TADA1: variants seen among roughly 807,000 people sequenced by gnomAD.
TADA1 encodes the protein transcriptional adaptor 1, also known as transcriptional adapter 1.
TADA1 carries 23 observed loss-of-function variants against 39.3 expected under a neutral mutation model. The ratio of observed to expected loss-of-function variants is 0.58; its 90% CI spans 0.42 to 0.83. The LOEUF is 0.83. Ranked by LOEUF, TADA1 falls within the 40% of genes least tolerant of loss-of-function variation. TADA1 has a pLI of 0.00. For synonymous variants in TADA1, 137 were observed against 151.8 expected, an observed-to-expected ratio of 0.90 and a Z score of 0.72; for missense variants, 352 against 408.1, an observed-to-expected ratio of 0.86 and a Z score of 1.18.
At position 166,862,375 on chromosome 1, in the gene TADA1, T is replaced by C; in HGVS notation, c.368A>G (p.Gln123Arg). 1 of 1,614,214 alleles carries C rather than the reference T, an allele frequency of 6.2e-7. No homozygotes were observed. Among genetic ancestry groups the C allele is most frequent in the Non-Finnish European group, 8.5e-7 (1 of 1,180,048 alleles). Residue 123 changes from glutamine (Q) to arginine (R), a missense_variant, in exon 5 of 8, where the codon CAG (glutamine) becomes CGG (arginine). This residue lies in a region of TADA1 where 285 missense variants were observed against 310.9 expected (regional missense o/e 0.92). Coordinates refer to ENST00000367874, the MANE Select transcript of TADA1 (RefSeq NM_053053.4). ...TTGGGGATCCTTTGCCACAAATTGC[T>C]GGGCTCCTGAGAGAGGATTTTGAGG... ...FQPQNPLSGA[Q>R]QFVAKDPQDD...
chr1:166,871,839 A>T (rs1052962278), intron 1 of TADA1, among the ~76,000 whole-genome samples: 20 of 152,336 alleles, frequency 1.3e-4, no homozygotes, highest in African/African-American at 4.3e-4. Context: ...AACAACAAAA[A>T]AAATAAAATA....
At chr1:166,872,532 T>C (rs1324334345) in intron 1 of TADA1, among the ~76,000 whole-genome samples, 1 of 152,020 alleles carries the variant, frequency 6.6e-6, no homozygotes, top group Non-Finnish European at 1.5e-5. Flanking sequence ...ATTAGCCAGG[T>C]GTGGTGGAAC....
At chr1:166,867,174 G>C (rs137936920) in intron 3 of TADA1, among the ~76,000 whole-genome samples, 102 of 152,218 alleles carry the variant, frequency 6.7e-4, no homozygotes, top group Middle Eastern at 6.8e-3. Context: ...ATGTAAGCTA[G>C]TGGCAAAACC....
chr1:166,862,135 G>T (rs939019360), intron 5 of TADA1, 68 bp downstream of exon 5: 9 of 1,445,404 alleles, frequency 6.2e-6, no homozygotes, highest in South Asian at 3.5e-5. Context: ...TTGCAATACC[G>T]ACTTTAAACA....
At chr1:166,873,207 G>T (rs1308363524) in intron 1 of TADA1, among the ~76,000 whole-genome samples, 4 of 152,112 alleles carry the variant, frequency 2.6e-5, no homozygotes, top group Admixed American at 2.6e-4. Flanking sequence ...GGAGGTGGAG[G>T]TTGCAGTGAG....
At position 166,869,451 on chromosome 1, in the gene TADA1, T is replaced by C; in HGVS notation, c.226A>G (p.Thr76Ala). 6.2e-7 allele frequency: 1 copy of C among 1,613,478 alleles called. No homozygotes were observed. Among genetic ancestry groups the C allele is most frequent in the Non-Finnish European group, 8.5e-7 (1 of 1,179,534 alleles). The change falls in exon 3 of 8, where the codon ACA becomes GCA. Residue 76 changes from threonine (T) to alanine (A), a missense_variant. Coordinates refer to ENST00000367874, the MANE Select transcript of TADA1 (RefSeq NM_053053.4). ...ILTRCQILVS[T>A]PDGAGSLPWP... The stretch of plus-strand genomic sequence containing the variant: ...AGTATTTCCACTCCCTTACCTGGTG[T>C]AGAAACCAAAATCTGACAACGCGTG...
At chr1:166,859,007 C>G (rs892071679) in intron 6 of TADA1, among the ~76,000 whole-genome samples, 1 of 152,230 alleles carries the variant, frequency 6.6e-6, no homozygotes, top group Non-Finnish European at 1.5e-5. Context: ...CAACATCACC[C>G]GCTACAAGGA....
At chr1:166,875,730 G>A (rs1658748624) in intron 1 of TADA1, among the ~76,000 whole-genome samples, 1 of 152,222 alleles carries the variant, frequency 6.6e-6, no homozygotes. Flanking sequence ...CAGCTCAACA[G>A]GCCTCCACCT....
intron 5 of TADA1, 113 bp from the exon 6 acceptor site, chr1:166,860,450 T>C: frequency 1.0e-6 from 1 of 1,003,824 alleles, no homozygotes; most frequent in East Asian, 2.6e-5. Flanking sequence ...CAGAATAGGT[T>C]AGTATATGCT....
intron 2 of TADA1, 55 bp from the exon 3 acceptor site, chr1:166,869,565 A>G: frequency 6.3e-7 from 1 of 1,584,726 alleles, no homozygotes; most frequent in Non-Finnish European, 8.6e-7. Context: ...ACATAAGGAA[A>G]CCACAACTTT....
At chr1:166,874,622 A>G (rs1543313) in intron 1 of TADA1, among the ~76,000 whole-genome samples, 50,540 of 151,648 alleles carry the variant, frequency 0.33, 8,919 homozygotes, top group East Asian at 0.57. Flanking sequence ...TTGTCTCTGA[A>G]AAAAAAAACT....
chr1:166,864,901 C>T lies in TADA1; in HGVS notation c.233-980G>A, dbSNP rs201758703. ...AGCTGGTATGGATGTTGGTACCCTA[C>T]AGCAAAGCTCTCTGTATATGGGAAT... On this transcript the variant is annotated intron_variant, in intron 3 of 7. Coordinates refer to ENST00000367874, the MANE Select transcript of TADA1 (RefSeq NM_053053.4). Among the ~76,000 whole-genome samples, 10 of 152,302 alleles carry T rather than the reference C, an allele frequency of 6.6e-5. No individual in the cohort carries two copies. The East Asian group carries it at 1.9e-3, about 29-fold the overall frequency.
At chr1:166,870,199 ACT>A (rs1433037421) in intron 1 of TADA1, among the ~76,000 whole-genome samples, 3 of 152,012 alleles carry the variant, frequency 2.0e-5, no homozygotes, top group Admixed American at 2.0e-4. Flanking sequence ...TCAGAATATG[ACT>A]CTATTTGGAG....
chr1:166,869,630 A>T, intron 2 of TADA1, 120 bp from the exon 3 acceptor site: 3 of 1,298,096 alleles, frequency 2.3e-6, no homozygotes, highest in Middle Eastern at 1.9e-4. Context: ...TTTATACTTA[A>T]AGTATCCACA....
intron 1 of TADA1, among the ~76,000 whole-genome samples, chr1:166,875,306 T>C (rs1394153491): frequency 6.6e-6 from 1 of 152,224 alleles, no homozygotes; most frequent in Admixed American, 6.5e-5. Flanking sequence ...TTTGACTGGA[T>C]ACTGATTTTA....
Position 166,869,800 on chromosome 1 carries a change from A to G in TADA1, c.129T>C (p.Phe43=), listed in dbSNP as rs768847685. 9 of 1,613,954 alleles carry G rather than the reference A, an allele frequency of 5.6e-6. No homozygotes were observed. Among genetic ancestry groups the G allele is most frequent in the Non-Finnish European group, 7.6e-6 (9 of 1,180,032 alleles). The change falls in exon 2 of 8, where the codon TTT becomes TTC. Residue 43 remains phenylalanine (F), a synonymous_variant. Transcript: ENST00000367874. ...WFKQKISKEE[F]DLEAHRLLTQ... ...TGAGAAGTCTATGAGCTTCAAGGTC[A>G]AACTCCTCTTTGCTGATCTTCTGCT... is the stretch of plus-strand genomic sequence containing the variant.
chr1:166,864,756 C>T (rs1658491181), intron 3 of TADA1, among the ~76,000 whole-genome samples: 1 of 152,086 alleles, frequency 6.6e-6, no homozygotes, highest in African/African-American at 2.4e-5. Context: ...TTCCCATGCA[C>T]AGAATGACAC....
intron 2 of TADA1, 115 bp downstream of exon 2, chr1:166,869,648 G>C: frequency 7.2e-7 from 1 of 1,392,858 alleles, no homozygotes; most frequent in Non-Finnish European, 1.0e-6. Context: ...ACATTATTAA[G>C]ATAACCTTAT....
chr1:166,874,342 A>G (rs1658720679), intron 1 of TADA1, among the ~76,000 whole-genome samples: 1 of 152,002 alleles, frequency 6.6e-6, no homozygotes, highest in Non-Finnish European at 1.5e-5. Flanking sequence ...TCCATCTCAA[A>G]AAAAAAAAAG....
Sources: gnomAD v4.1 joint callset for allele counts (sites outside exome capture counted in the v4.1 genomes callset) on GRCh38, gnomAD v4.1.1 for gene constraint, gnomAD v4.1.1 regional missense constraint, MANE v1.5 for transcripts, NCBI Gene and HGNC (gene_info 2026-07-23, HGNC 2026-07-21) for gene names.